Variants in LRCH3 observed in about 807,000 individuals in gnomAD.
The protein encoded by LRCH3 is DISP complex protein LRCH3.
Under a neutral mutation model 104.5 loss-of-function variants are expected in LRCH3, and 68 were observed. The ratio of observed to expected loss-of-function variants is 0.65; its 90% CI spans 0.54 to 0.80. LRCH3 has a LOEUF of 0.80. Ranked by LOEUF, LRCH3 falls within the 30% of genes least tolerant of loss-of-function variation. The probability of loss-of-function intolerance (pLI) is 0.00; values close to 1 mark genes in which losing one functional copy is unlikely to be tolerated. For missense variants in LRCH3, 951 were observed against 953.9 expected, an observed-to-expected ratio of 1.00 and a Z score of 0.04; for synonymous variants, 344 against 361.3, an observed-to-expected ratio of 0.95 and a Z score of 0.54.
chr3:197,887,284 C>T lies in LRCH3; in HGVS notation c.*3618C>T, dbSNP rs900715008. The stretch of plus-strand genomic sequence containing the variant: ...TGACTCCAGTGTAAGATGAAGATGA[C>T]CTTGTCACAGCTCCCCTGACCTGAA... On this transcript the variant is annotated 3_prime_UTR_variant, in exon 21 of 21. Coordinates refer to ENST00000425562, the MANE Select transcript of LRCH3 (RefSeq NM_001365715.1). The T allele has an allele frequency of 2.6e-5, 4 of 152,634 alleles. No homozygotes were observed. Among genetic ancestry groups the T allele is most frequent in the Non-Finnish European group, 5.9e-5 (4 of 68,236 alleles). 9.5% of individuals were successfully genotyped at this position (152,634 alleles called of 1,614,324 possible). A position where few individuals can be genotyped will look rare whatever the true frequency, so the allele number is the denominator to read the frequency against.
chr3:197,845,622 C>T (rs893570915), intron 10 of LRCH3, among the ~76,000 whole-genome samples: 6 of 151,306 alleles, frequency 4.0e-5, no homozygotes, highest in African/African-American at 9.7e-5. Context: ...AATTGAAAAG[C>T]GGCTGGGCAT....
At chr3:197,813,455 T>C (rs1042261058) in intron 1 of LRCH3, among the ~76,000 whole-genome samples, 2 of 151,496 alleles carry the variant, frequency 1.3e-5, no homozygotes, top group East Asian at 3.9e-4. Context: ...ACTCAGGTTC[T>C]GTTCCTTTGG....
chr3:197,823,854 G>T (rs969547300), intron 4 of LRCH3, among the ~76,000 whole-genome samples: 1 of 152,128 alleles, frequency 6.6e-6, no homozygotes, highest in African/African-American at 2.4e-5. Flanking sequence ...ACTTATGTCA[G>T]CTTCCTATTG....
chr3:197,811,035 C>A (rs1484666414), intron 1 of LRCH3, among the ~76,000 whole-genome samples: 1 of 151,954 alleles, frequency 6.6e-6, no homozygotes, highest in Non-Finnish European at 1.5e-5. Context: ...AAAGGAAATA[C>A]CTAAGCAAGG....
At chr3:197,831,386 A>C (rs1735917063) in intron 7 of LRCH3, 2 of 152,304 alleles carry the variant, frequency 1.3e-5, no homozygotes, top group Admixed American at 6.5e-5. Context: ...AAAATAAATA[A>C]AAATTACTAA....
In LRCH3 at chr3:197,854,466, G is replaced by C; in HGVS notation, c.1644+21G>C. ...GCATGGTAAGAGTTTTGCACAAAAC[G>C]GAGTTTCGCATTTCTGTGTTTAGAG... On this transcript the variant is annotated intron_variant, in intron 14 of 20. Coordinates refer to ENST00000425562, the MANE Select transcript of LRCH3 (RefSeq NM_001365715.1). The surrounding 1 kb of genome is among the most constrained non-coding windows in gnomAD (Gnocchi z 4.5). 6.2e-7 allele frequency: 1 copy of C among 1,610,934 alleles called. No individual in the cohort carries two copies. Among genetic ancestry groups the C allele is most frequent in the Non-Finnish European group, 8.5e-7 (1 of 1,177,104 alleles).
In LRCH3 at chr3:197,826,977, C is replaced by T. The variant is rs1447324770; in HGVS notation, c.740C>T (p.Thr247Ile). The T allele has an allele frequency of 4.3e-6, 7 of 1,613,876 alleles. No homozygotes were observed. Among genetic ancestry groups the T allele is most frequent in the Non-Finnish European group, 5.9e-6 (7 of 1,180,002 alleles). The change falls in exon 5 of 21, where the codon ACC becomes ATC. Residue 247 changes from threonine (T) to isoleucine (I), a missense_variant. Physicochemically the swap from Thr to Ile is moderately conservative, Grantham distance 89. Coordinates refer to ENST00000425562, the MANE Select transcript of LRCH3 (RefSeq NM_001365715.1). Reference sequence around the variant, plus strand: ...AACCTCAGGCACCTACAGACGATCACCCTAGATAACAATCCACTACAATCA... The same window carrying T: ...AACCTCAGGCACCTACAGACGATCATCCTAGATAACAATCCACTACAATCA... ...YRNLRHLQTI[T>I]LDNNPLQSPP...
chr3:197,813,510 A>ATTTTTTTTTTT (rs57062885), intron 1 of LRCH3, among the ~76,000 whole-genome samples: 9 of 66,032 alleles, frequency 1.4e-4, no homozygotes, highest in Non-Finnish European at 1.9e-4. Context: ...GAGGCATATA[A>ATTTTTTTTTTT]TTTTTTTTTT....
intron 8 of LRCH3, among the ~76,000 whole-genome samples, chr3:197,834,387 A>G (rs1298383940): frequency 3.3e-5 from 5 of 152,214 alleles, no homozygotes; most frequent in African/African-American, 9.7e-5. Flanking sequence ...AAATATCTAC[A>G]TTGCTGACCT....
intron 10 of LRCH3, among the ~76,000 whole-genome samples, chr3:197,844,425 TC>T (rs1473415573): frequency 6.6e-6 from 1 of 152,110 alleles, no homozygotes; most frequent in Non-Finnish European, 1.5e-5. Flanking sequence ...GAGACACGTC[TC>T]TGTCACCCAG....
intron 15 of LRCH3, among the ~76,000 whole-genome samples, chr3:197,860,779 T>C (rs1422477004): frequency 6.6e-6 from 1 of 152,178 alleles, no homozygotes; most frequent in Non-Finnish European, 1.5e-5. Context: ...TAGTTATTTT[T>C]AAATGTACAA....
rs1296450377 is a variant in LRCH3 at position 197,829,690 on chromosome 3, C to G, written c.887+17C>G. ...TGGCTCCTGGTAAGTATATTCTGTC[C>G]CTTTATCTATCATATTTTTTGTACA... On this transcript the variant is annotated intron_variant, in intron 6 of 20. Coordinates refer to ENST00000425562, the MANE Select transcript of LRCH3 (RefSeq NM_001365715.1). 1 of 1,502,846 alleles carries G rather than the reference C, an allele frequency of 6.7e-7. No homozygotes were observed. The highest frequency in any genetic ancestry group is 9.1e-7 in the Non-Finnish European group (1 of 1,099,984). 93.1% of individuals were successfully genotyped at this position (1,502,846 alleles called of 1,614,324 possible).
intron 20 of LRCH3, chr3:197,880,710 C>G: frequency 6.5e-7 from 1 of 1,536,716 alleles, no homozygotes; most frequent in Non-Finnish European, 8.7e-7. Context: ...CTTCCCCGCT[C>G]GCTGAAAGAT....
At chr3:197,834,924 G>A (rs576073290) in intron 8 of LRCH3, among the ~76,000 whole-genome samples, 53 of 152,156 alleles carry the variant, frequency 3.5e-4, no homozygotes, top group Admixed American at 2.2e-3. Context: ...TGGGCGGATC[G>A]CTTGAGCCCA....
intron 1 of LRCH3, among the ~76,000 whole-genome samples, chr3:197,813,915 A>G (rs908692569): frequency 6.6e-6 from 1 of 152,192 alleles, no homozygotes; most frequent in African/African-American, 2.4e-5. Context: ...TAGGGGTTTT[A>G]AAATTGTGAT....
chr3:197,868,670 A>AT (rs769310490), intron 17 of LRCH3, among the ~76,000 whole-genome samples: 2 of 152,266 alleles, frequency 1.3e-5, no homozygotes, highest in Non-Finnish European at 2.9e-5. Context: ...AAATGAACCA[A>AT]TTCCTATATA....
chr3:197,835,674 TG>T lies in LRCH3; in HGVS notation c.1105del (p.Glu369AsnfsTer10). 1 of 1,612,260 alleles carries T rather than the reference TG, an allele frequency of 6.2e-7. No individual in the cohort carries two copies. Among genetic ancestry groups the T allele is most frequent in the Non-Finnish European group, 8.5e-7 (1 of 1,179,156 alleles). ...GTGGGTGTGTGTGTGGTGTATACAG[TG>T]GAACATGATCTGGATCAGATTGACT... Reference protein sequence around the residue: ...RGSLVVTNGGVEHDLDQIDYI... With the variant: ...RGSLVVTNGGXEHDLDQIDYI... On this transcript the variant is annotated frameshift_variant and splice_region_variant, in exon 9 of 21. Transcript: ENST00000425562. LOFTEE classifies it high-confidence loss of function.
chr3:197,806,947 G>C (rs1732556473), intron 1 of LRCH3, among the ~76,000 whole-genome samples: 1 of 151,406 alleles, frequency 6.6e-6, no homozygotes, highest in Admixed American at 6.6e-5. Context: ...GCTCAGGTCA[G>C]AGAATCACTT....
At chr3:197,796,192 C>T (rs1456698159) in intron 1 of LRCH3, among the ~76,000 whole-genome samples, 5 of 152,070 alleles carry the variant, frequency 3.3e-5, no homozygotes, top group Admixed American at 3.3e-4. Flanking sequence ...AGGACTTCGG[C>T]AGTTATTGGT....
Sources: allele counts gnomAD v4.1 joint callset (sites outside exome capture counted in the v4.1 genomes callset), GRCh38; gene constraint gnomAD v4.1.1; non-coding constraint Gnocchi (gnomAD v3.1); transcripts MANE v1.5; gene names NCBI Gene and HGNC (gene_info 2026-07-23, HGNC 2026-07-21).